ODAD1: variants seen among roughly 807,000 people sequenced by gnomAD.
ODAD1 encodes outer dynein arm docking complex subunit 1, also known as outer dynein arm-docking complex subunit 1.
Under a neutral mutation model 67.2 loss-of-function variants are expected in ODAD1, and 49 were observed. That is an observed-to-expected ratio of 0.73 (90% CI 0.58 to 0.92). The LOEUF (loss-of-function observed/expected upper bound fraction) is 0.92. Ranked by LOEUF, ODAD1 falls within the 40% of genes least tolerant of loss-of-function variation. The pLI, the probability that ODAD1 is intolerant of heterozygous loss-of-function variation, is 0.00. For missense variants in ODAD1, 897 were observed against 953.7 expected, an observed-to-expected ratio of 0.94 and a Z score of 0.78; for synonymous variants, 345 against 393.7, an observed-to-expected ratio of 0.88 and a Z score of 1.46.
intron 7 of ODAD1, among the ~76,000 whole-genome samples, chr19:48,308,479 A>G (rs1322324039): frequency 1.3e-5 from 2 of 151,912 alleles, no homozygotes; most frequent in African/African-American, 4.8e-5. Flanking sequence ...CCCAGCCGAG[A>G]AGTGTTTCCT....
intron 5 of ODAD1, among the ~76,000 whole-genome samples, chr19:48,313,300 C>T (rs1355639485): frequency 6.6e-6 from 1 of 151,766 alleles, no homozygotes; most frequent in African/African-American, 2.4e-5. Context: ...TGGTGGCAGG[C>T]ACCTGTAATC....
intron 5 of ODAD1, among the ~76,000 whole-genome samples, chr19:48,313,464 A>T (rs1422509745): frequency 6.7e-6 from 1 of 149,738 alleles, no homozygotes; most frequent in Non-Finnish European, 1.5e-5. Flanking sequence ...AAAACCTCAC[A>T]TGTTGAAGTC....
intron 5 of ODAD1, among the ~76,000 whole-genome samples, chr19:48,313,632 C>A (rs895660702): frequency 1.3e-5 from 2 of 151,916 alleles, no homozygotes; most frequent in Non-Finnish European, 2.9e-5. Flanking sequence ...CCTGTAATCC[C>A]AATACTTTGG....
intron 7 of ODAD1, among the ~76,000 whole-genome samples, chr19:48,308,299 C>A (rs1469292323): frequency 2.0e-5 from 3 of 152,068 alleles, no homozygotes; most frequent in African/African-American, 7.2e-5. Context: ...CTCAGCCTCC[C>A]AAGTAGCTGG....
rs200146518 is a variant in ODAD1, at chr19:48,314,357, G to A, written c.361-2241C>T. On this transcript the variant is annotated intron_variant, in intron 5 of 15. Coordinates refer to ENST00000674294, the MANE Select transcript of ODAD1 (RefSeq NM_001364171.2). ...TTGGACTTCTGGCCTTTGGAACTAT[G>A]AGAAAACATATTTTTGTTATACGAG... Among the ~76,000 whole-genome samples, 3 of 152,168 alleles carry A rather than the reference G, an allele frequency of 2.0e-5. No homozygotes were observed. In the East Asian group the frequency reaches 5.8e-4, roughly 29 times the overall value.
rs73047511 is a variant in ODAD1, at chr19:48,297,790, T to C, written c.1503-122A>G. 145,096 of 972,450 alleles carry C rather than the reference T, an allele frequency of 0.15. 12,723 individuals are homozygous for C. Among genetic ancestry groups the C allele is most frequent in the Middle Eastern group, 0.19 (664 of 3,576 alleles). The allele number at this position is 972,450 out of a possible 1,614,324, so 60.2% of individuals were successfully genotyped here. On this transcript the variant is annotated intron_variant, in intron 14 of 15. Coordinates refer to ENST00000674294, the MANE Select transcript of ODAD1 (RefSeq NM_001364171.2). ...CCACCAGCCCCGAGTGCCCTTCCCT[T>C]CTGGGGCACCCGGGGCCCCATCCTC...
rs1291428185 is a variant in ODAD1 at position 48,313,448 on chromosome 19, C to CAAAAAAAA, written c.361-1340_361-1333dup. 1.6e-3 allele frequency among the ~76,000 whole-genome samples: 139 copies of CAAAAAAAA among 86,898 alleles called. 13 individuals carry two copies. The highest frequency in any genetic ancestry group is 2.7e-3 in the African/African-American group (52 of 19,494). 57.0% of individuals were successfully genotyped at this position (86,898 alleles called of 152,430 possible). A position where few individuals can be genotyped will look rare whatever the true frequency, so the allele number is the denominator to read the frequency against. ...TCTCAAAAAAAAAAAAAAAAAAAAC[C>CAAAAAAAA]AAAAAAAAACCTCACATGTTGAAGT... is the stretch of plus-strand genomic sequence containing the variant. On this transcript the variant is annotated intron_variant, in intron 5 of 15. Coordinates refer to ENST00000674294, the MANE Select transcript of ODAD1 (RefSeq NM_001364171.2).
intron 10 of ODAD1, 79 bp downstream of exon 10, chr19:48,303,571 A>C: frequency 1.9e-6 from 3 of 1,556,478 alleles, no homozygotes; most frequent in Non-Finnish European, 1.8e-6. Flanking sequence ...CCCCAGGGCC[A>C]GAGCTGAGGC....
intron 7 of ODAD1, among the ~76,000 whole-genome samples, chr19:48,308,691 G>C (rs566746597): frequency 6.6e-6 from 1 of 152,224 alleles, no homozygotes; most frequent in Non-Finnish European, 1.5e-5. Flanking sequence ...GGAGCTCCCC[G>C]TGTGCAGCTG....
chr19:48,320,276 G>A (rs1459615831), intron 3 of ODAD1, 23 bp downstream of exon 3: 1 of 1,227,364 alleles, frequency 8.1e-7, no homozygotes, highest in Non-Finnish European at 1.1e-6. Context: ...ATGGGTGAAT[G>A]ATATAAAGAA....
chr19:48,320,070 T>C, intron 3 of ODAD1: 2 of 1,071,224 alleles, frequency 1.9e-6, no homozygotes, highest in Non-Finnish European at 2.3e-6. Flanking sequence ...TACAGGGAGT[T>C]CTGGGCCCCA....
At chr19:48,313,010 G>A (rs570093185) in intron 5 of ODAD1, among the ~76,000 whole-genome samples, 2 of 152,298 alleles carry the variant, frequency 1.3e-5, no homozygotes, top group East Asian at 3.9e-4. Context: ...AGGACACAGA[G>A]TCTTGTGTTT....
In ODAD1 at chr19:48,302,841, C is replaced by A. The variant is rs561780439; in HGVS notation, c.1093G>T (p.Ala365Ser). The change falls in exon 12 of 16, where the codon GCA becomes TCA. Residue 365 changes from alanine to serine, a missense_variant. Transcript: ENST00000674294. ...TGCTGGTCATCCTTGCTGGCACGTG[C>A]GCTCACCAAAGCCTCCTGCATCTGT... is the stretch of plus-strand genomic sequence containing the variant. ...IKEMQEALVSARASKDDQHLL... is the reference protein window; with the variant it reads ...IKEMQEALVSSRASKDDQHLL... The A allele has an allele frequency of 6.2e-7, 1 of 1,613,982 alleles. No individual in the cohort carries two copies. The highest frequency in any genetic ancestry group is 8.5e-7 in the Non-Finnish European group (1 of 1,179,980).
At chr19:48,309,757 A>G (rs452410) in intron 7 of ODAD1, among the ~76,000 whole-genome samples, 146,851 of 152,234 alleles carry the variant, frequency 0.96, 71,049 homozygotes, top group East Asian at 1. Flanking sequence ...ATCTCCCCAC[A>G]GACCACTTAT....
intron 8 of ODAD1, among the ~76,000 whole-genome samples, chr19:48,305,675 G>A (rs916147163): frequency 6.6e-6 from 1 of 151,974 alleles, no homozygotes; most frequent in Non-Finnish European, 1.5e-5. Context: ...CAAAGTGTTG[G>A]GATTACAGGC....
intron 13 of ODAD1, 32 bp downstream of exon 13, chr19:48,298,145 G>A: frequency 1.9e-6 from 3 of 1,611,958 alleles, no homozygotes; most frequent in Non-Finnish European, 2.5e-6. Context: ...CCCGAGACCG[G>A]CCTCCTGTCC....
At chr19:48,312,276 G>A (rs1459283104) in intron 5 of ODAD1, among the ~76,000 whole-genome samples, 160 bp from the exon 6 acceptor site, 1 of 152,042 alleles carries the variant, frequency 6.6e-6, no homozygotes, top group East Asian at 1.9e-4. Context: ...CCTCCATGTG[G>A]TTCTGGTGGG....
intron 8 of ODAD1, among the ~76,000 whole-genome samples, chr19:48,305,607 T>C (rs977404878): frequency 1.3e-5 from 2 of 151,922 alleles, no homozygotes; most frequent in African/African-American, 4.8e-5. Context: ...GATTTCACCA[T>C]GTTGGCCAGG....
intron 10 of ODAD1, 105 bp downstream of exon 10, chr19:48,303,545 C>A (rs1968526490): frequency 2.1e-6 from 3 of 1,421,290 alleles, no homozygotes; most frequent in Admixed American, 3.8e-5. Flanking sequence ...GTTCCTCCAG[C>A]ACAGATGGAG....
Sources: allele counts gnomAD v4.1 joint callset (sites outside exome capture counted in the v4.1 genomes callset), GRCh38; gene constraint gnomAD v4.1.1; transcripts MANE v1.5; gene names NCBI Gene and HGNC (gene_info 2026-07-23, HGNC 2026-07-21).